SGCD: variants seen among roughly 807,000 people sequenced by gnomAD.
SGCD encodes sarcoglycan delta.
A neutral mutation model predicts 36.6 loss-of-function variants in SGCD; 18 were observed. The ratio of observed to expected loss-of-function variants is 0.49; its 90% CI spans 0.34 to 0.73. The LOEUF is 0.73. Among genes scored for constraint, SGCD ranks in the 30% least tolerant of loss-of-function variants. The pLI is 0.01. For synonymous variants in SGCD, 133 were observed against 130.6 expected (o/e 1.02, Z -0.12); for missense variants, 387 against 346.7 (o/e 1.12, Z -0.92).
intron 1 of SGCD, among the ~76,000 whole-genome samples, chr5:156,034,719 A>G (rs1759445884): frequency 6.6e-6 from 1 of 152,212 alleles, no homozygotes; most frequent in South Asian, 2.1e-4. Context: ...AAATTATGCA[A>G]TAAACATTAA....
At chr5:156,027,845 C>T (rs1170823579) in intron 1 of SGCD, among the ~76,000 whole-genome samples, 1 of 152,136 alleles carries the variant, frequency 6.6e-6, no homozygotes, top group Non-Finnish European at 1.5e-5. Flanking sequence ...AAGATTAAGG[C>T]ACTGGCAAGT....
intron 7 of SGCD, among the ~76,000 whole-genome samples, chr5:156,736,625 A>G (rs1199537104): frequency 6.6e-6 from 1 of 152,174 alleles, no homozygotes; most frequent in African/African-American, 2.4e-5. Context: ...AGTCCTGGTT[A>G]CCTGAGCCCC....
At chr5:155,757,898 A>G in the SGCD span, among the ~76,000 whole-genome samples, 1 of 152,094 alleles carries the variant, frequency 6.6e-6, no homozygotes, top group African/African-American at 2.4e-5. Context: ...AATAAGTCTC[A>G]TGAGATTTGA....
intron 1 of SGCD, among the ~76,000 whole-genome samples, chr5:156,044,688 G>C (rs1351899685): frequency 6.6e-6 from 1 of 152,072 alleles, no homozygotes; most frequent in Non-Finnish European, 1.5e-5. Flanking sequence ...CATATAGAAG[G>C]ACTTACCATC....
chr5:156,683,476 T>C (rs1753794675), intron 7 of SGCD, among the ~76,000 whole-genome samples: 1 of 152,230 alleles, frequency 6.6e-6, no homozygotes, highest in Non-Finnish European at 1.5e-5. Flanking sequence ...CCGACATGGT[T>C]AATCCTAAGA....
chr5:156,508,339 C>A, intron 3 of SGCD, among the ~76,000 whole-genome samples: 3 of 152,166 alleles, frequency 2.0e-5, no homozygotes, highest in East Asian at 3.9e-4. Context: ...TGCCCCCCAC[C>A]CCAATCTGTG....
intron 1 of SGCD, among the ~76,000 whole-genome samples, chr5:156,084,112 G>A (rs989227587): frequency 1.3e-5 from 2 of 152,078 alleles, no homozygotes; most frequent in Non-Finnish European, 2.9e-5. Context: ...TTTAGAATAA[G>A]CTTGTCTGTG....
intron 1 of SGCD, among the ~76,000 whole-genome samples, chr5:155,893,523 T>C (rs1756182700): frequency 6.6e-6 from 1 of 152,252 alleles, no homozygotes; most frequent in East Asian, 1.9e-4. Context: ...GGTTGAGTAA[T>C]ATCTTTGCTT....
At chr5:155,780,977 G>T in the SGCD span, among the ~76,000 whole-genome samples, 1 of 152,040 alleles carries the variant, frequency 6.6e-6, no homozygotes, top group Non-Finnish European at 1.5e-5. Flanking sequence ...TGAGTATTAA[G>T]GTTCACCATG....
At chr5:155,815,880 G>C in the SGCD span, among the ~76,000 whole-genome samples, 1 of 150,840 alleles carries the variant, frequency 6.6e-6, no homozygotes, top group East Asian at 1.9e-4. Flanking sequence ...AGGCTGGAAA[G>C]AAAAAAAAAG....
At chr5:156,486,619 C>T (rs1755673814) in intron 3 of SGCD, among the ~76,000 whole-genome samples, 1 of 152,198 alleles carries the variant, frequency 6.6e-6, no homozygotes, top group South Asian at 2.1e-4. Flanking sequence ...CTGAGGACAG[C>T]ATCATCTCAC....
the SGCD span, among the ~76,000 whole-genome samples, chr5:155,816,051 A>G: frequency 3.9e-5 from 6 of 152,210 alleles, no homozygotes; most frequent in African/African-American, 1.4e-4. Flanking sequence ...GGCTCAACTG[A>G]AAATAGTGGT....
chr5:155,853,669 A>G, the SGCD span, among the ~76,000 whole-genome samples: 4 of 152,226 alleles, frequency 2.6e-5, no homozygotes, highest in Non-Finnish European at 5.9e-5. Flanking sequence ...TTTCGCGTGT[A>G]CTTGTGTCAA....
chr5:156,000,542 C>A (rs952453019), intron 1 of SGCD, among the ~76,000 whole-genome samples: 2 of 152,078 alleles, frequency 1.3e-5, no homozygotes, highest in Admixed American at 1.3e-4. Flanking sequence ...ATATATGAAA[C>A]TAATCCAAGA....
chr5:156,317,027 C>T (rs4705000), intron 3 of SGCD, among the ~76,000 whole-genome samples: 26,970 of 151,896 alleles, frequency 0.18, 2,507 homozygotes, highest in Middle Eastern at 0.27. Context: ...TGTAAATGTA[C>T]CCTCTAAATC....
intron 3 of SGCD, among the ~76,000 whole-genome samples, chr5:156,320,522 A>G (rs899623856): frequency 1.3e-5 from 2 of 152,242 alleles, no homozygotes; most frequent in African/African-American, 4.8e-5. Context: ...AACAGAATAC[A>G]TGGAGCCATC....
At chr5:156,319,618 G>A (rs544130768) in intron 3 of SGCD, among the ~76,000 whole-genome samples, 2 of 152,184 alleles carry the variant, frequency 1.3e-5, no homozygotes, top group African/African-American at 4.8e-5. Context: ...TTCCCATAGT[G>A]AGTGAAGAGG....
the SGCD span, among the ~76,000 whole-genome samples, chr5:155,844,915 A>G: frequency 1.3e-5 from 2 of 152,176 alleles, no homozygotes; most frequent in African/African-American, 2.4e-5. Flanking sequence ...TCTGGGGTAC[A>G]TGTGCAGAAC....
At chr5:155,961,127 T>C (rs1363732606) in intron 1 of SGCD, among the ~76,000 whole-genome samples, 1 of 152,106 alleles carries the variant, frequency 6.6e-6, no homozygotes, top group African/African-American at 2.4e-5. Context: ...ATTAGGAATA[T>C]CAAATATCAC....
Sources: gnomAD v4.1 joint callset for allele counts (sites outside exome capture counted in the v4.1 genomes callset) on GRCh38, gnomAD v4.1.1 for gene constraint, MANE v1.5 for transcripts, NCBI Gene and HGNC (gene_info 2026-07-23, HGNC 2026-07-21) for gene names.